LRBA: variants seen among roughly 807,000 people sequenced by gnomAD.
LRBA encodes LPS responsive beige-like anchor protein.
LRBA carries 176 observed loss-of-function variants against 330.0 expected under a neutral mutation model. The ratio of observed to expected loss-of-function variants is 0.53; its 90% CI spans 0.47 to 0.60. LRBA has a LOEUF of 0.60. Ranked by LOEUF, LRBA falls within the 20% of genes least tolerant of loss-of-function variation. The pLI, the probability that LRBA is intolerant of heterozygous loss-of-function variation, is 0.00. For synonymous variants in LRBA, 1,230 were observed against 1,193.0 expected, an observed-to-expected ratio of 1.03 and a Z score of -0.64; for missense variants, 3,259 against 3,444.8, an observed-to-expected ratio of 0.95 and a Z score of 1.35.
intron 22 of LRBA, among the ~76,000 whole-genome samples, chr4:150,862,223 T>C (rs983857151): frequency 3.3e-5 from 5 of 152,318 alleles, no homozygotes; most frequent in Non-Finnish European, 1.5e-5. Context: ...ATAAAGCACA[T>C]GCACACGTAT....
In LRBA at chr4:150,724,863, T is replaced by C. The variant is rs892043425; in HGVS notation, c.5754+10395A>G. ...CTCAAAAAATAAAATAAAATAAATT[T>C]AAATATATGTATATATATACATATA... On this transcript the variant is annotated intron_variant, in intron 36 of 56. Transcript: ENST00000651943. Among the ~76,000 whole-genome samples, 4 of 147,462 alleles carry C rather than the reference T, an allele frequency of 2.7e-5. No homozygotes were observed. The East Asian group carries it at 7.9e-4, about 29-fold the overall frequency.
chr4:150,584,782 CAAG>C (rs1235006650), intron 40 of LRBA: 1 of 160,618 alleles, frequency 6.2e-6, no homozygotes, highest in East Asian at 1.9e-4. Flanking sequence ...GAATCAAATG[CAAG>C]AAGCTTCCAC....
chr4:150,832,030 T>C (rs1747276552), intron 28 of LRBA, 54 bp from the exon 29 acceptor site: 4 of 1,081,320 alleles, frequency 3.7e-6, no homozygotes, highest in Non-Finnish European at 5.1e-6. Context: ...AACATCATTA[T>C]ATTTTACATC....
chr4:150,383,730 A>C (rs1742635261), intron 47 of LRBA, among the ~76,000 whole-genome samples: 1 of 152,184 alleles, frequency 6.6e-6, no homozygotes, highest in African/African-American at 2.4e-5. Context: ...TTGTGTCCCC[A>C]GTGCTTGTAG....
chr4:150,619,133 T>C (rs968953326), intron 37 of LRBA, among the ~76,000 whole-genome samples: 1 of 152,124 alleles, frequency 6.6e-6, no homozygotes, highest in Non-Finnish European at 1.5e-5. Flanking sequence ...CACAGAGAGG[T>C]ACATGTTTAA....
At chr4:150,516,889 A>C (rs1234801472) in intron 40 of LRBA, among the ~76,000 whole-genome samples, 1 of 152,210 alleles carries the variant, frequency 6.6e-6, no homozygotes, top group Non-Finnish European at 1.5e-5. Context: ...TAATAGTTTT[A>C]TTACATCAAC....
chr4:150,945,105 T>C (rs1025512897), intron 2 of LRBA, among the ~76,000 whole-genome samples: 4 of 152,334 alleles, frequency 2.6e-5, no homozygotes, highest in East Asian at 1.9e-4. Context: ...AATGGACTAA[T>C]ACAACTGGAA....
Position 150,954,006 on chromosome 4 carries a change from C to T in LRBA, c.217-24941G>A, listed in dbSNP as rs186271742. 4.7e-4 allele frequency among the ~76,000 whole-genome samples: 64 copies of T among 136,736 alleles called. No individual in the cohort carries two copies. The East Asian group carries it at 0.013, about 28-fold the overall frequency. The allele number at this position is 136,736 out of a possible 152,430, so 89.7% of individuals were successfully genotyped here. A position where few individuals can be genotyped will look rare whatever the true frequency, so the allele number is the denominator to read the frequency against. On this transcript the variant is annotated intron_variant, in intron 2 of 56. Transcript: ENST00000651943. Reference sequence around the variant, plus strand: ...CTGGGAGGTAAGGAGCGTCTCTGACCGGCCACCCCGTCTGAGAAGTGAGGA... The same window carrying T: ...CTGGGAGGTAAGGAGCGTCTCTGACTGGCCACCCCGTCTGAGAAGTGAGGA...
intron 56 of LRBA, among the ~76,000 whole-genome samples, chr4:150,274,737 T>C (rs1746539402): frequency 6.6e-6 from 1 of 152,160 alleles, no homozygotes; most frequent in East Asian, 1.9e-4. Context: ...CTCCAAAGTC[T>C]AAACCAGGAA....
At chr4:150,900,254 C>A (rs752426609) in intron 13 of LRBA, 37 bp from the exon 14 acceptor site, 2 of 1,514,230 alleles carry the variant, frequency 1.3e-6, no homozygotes, top group Non-Finnish European at 1.8e-6. Context: ...AGAACCCCAC[C>A]AGCATTTTAT....
chr4:150,527,034 C>T (rs1158590354), intron 40 of LRBA, among the ~76,000 whole-genome samples: 1 of 147,798 alleles, frequency 6.8e-6, no homozygotes, highest in Non-Finnish European at 1.5e-5. Context: ...TTTAAAGAAA[C>T]TGGGTTATTT....
At chr4:150,915,762 T>C (rs771506950) in intron 7 of LRBA, 35 bp from the exon 8 acceptor site, 1 of 1,560,036 alleles carries the variant, frequency 6.4e-7, no homozygotes, top group South Asian at 1.2e-5. Context: ...AATACAAAGA[T>C]AACAATTATC....
chr4:150,773,770 A>C (rs1197183946), intron 34 of LRBA, among the ~76,000 whole-genome samples: 2 of 152,216 alleles, frequency 1.3e-5, no homozygotes, highest in Non-Finnish European at 2.9e-5. Context: ...CCAACTATGC[A>C]TTCCAGAACT....
chr4:150,488,295 C>T (rs1758129995), intron 41 of LRBA, among the ~76,000 whole-genome samples: 1 of 151,612 alleles, frequency 6.6e-6, no homozygotes. Context: ...ACCAATATAG[C>T]TATGAAATAA....
intron 51 of LRBA, among the ~76,000 whole-genome samples, chr4:150,312,177 C>A (rs1007338403): frequency 1.3e-5 from 2 of 152,018 alleles, no homozygotes; most frequent in African/African-American, 4.8e-5. Flanking sequence ...AGGCTTGATG[C>A]CCCCTCAGCA....
In LRBA at chr4:150,335,483, ATG is replaced by A. The variant is rs1171485399; in HGVS notation, c.7363-9587_7363-9586del. Among the ~76,000 whole-genome samples, 55 of 95,396 alleles carry A rather than the reference ATG, an allele frequency of 5.8e-4. 1 individual carries two copies. The South Asian group carries it at 9.2e-3, about 16-fold the overall frequency. 62.6% of individuals were successfully genotyped at this position (95,396 alleles called of 152,430 possible). On this transcript the variant is annotated intron_variant, in intron 48 of 56. Coordinates refer to ENST00000651943, the MANE Select transcript of LRBA (RefSeq NM_001364905.1). Reference sequence around the variant, plus strand: ...TATATGTGTATATATATACGTATATATGTGTGTGTATATATATATACACACAC... The same window carrying A: ...TATATGTGTATATATATACGTATATATGTGTGTATATATATATACACACAC...
intron 40 of LRBA, among the ~76,000 whole-genome samples, chr4:150,508,692 G>A (rs1761467053): frequency 6.6e-6 from 1 of 152,160 alleles, no homozygotes; most frequent in South Asian, 2.1e-4. Context: ...AATTGTTTAT[G>A]ATCTGAATAA....
At chr4:150,488,964 T>TTATATATAAGAATATATAACATATAA (rs1454211042) in intron 41 of LRBA, among the ~76,000 whole-genome samples, 1 of 131,154 alleles carries the variant, frequency 7.6e-6, no homozygotes, top group Non-Finnish European at 1.6e-5. Context: ...ATATAATATA[T>TTATATATAAGAATATATAACATATAA]TATATATAAG....
rs1375019993 is a variant in LRBA, at chr4:150,721,064, T to C, written c.5754+14194A>G. 5.3e-6 allele frequency: 3 copies of C among 569,008 alleles called. No homozygotes were observed. The Admixed American group carries it at 5.8e-5, about 11-fold the overall frequency. 35.2% of individuals were successfully genotyped at this position (569,008 alleles called of 1,614,324 possible). On this transcript the variant is annotated intron_variant, in intron 36 of 56. Coordinates refer to ENST00000651943, the MANE Select transcript of LRBA (RefSeq NM_001364905.1). ...TCAAGGCCAACTATCCTCCAGTTAA[T>C]AGGAATTATGAGTATTTGGATCATA... is the stretch of plus-strand genomic sequence containing the variant.
Sources: allele counts gnomAD v4.1 joint callset (sites outside exome capture counted in the v4.1 genomes callset), GRCh38; gene constraint gnomAD v4.1.1; transcripts MANE v1.5; gene names NCBI Gene and HGNC (gene_info 2026-07-23, HGNC 2026-07-21).